GNAO1: variants seen among roughly 807,000 people sequenced by gnomAD.
GNAO1 encodes guanine nucleotide-binding protein G(o) subunit alpha.
For synonymous variants in GNAO1, 164 were observed against 180.7 expected (o/e 0.91, Z 0.74); for missense variants, 166 against 478.7 (o/e 0.35, Z 6.10).
intron 3 of GNAO1, among the ~76,000 whole-genome samples, chr16:56,314,824 C>T (rs928684948): frequency 5.7e-4 from 87 of 152,252 alleles, no homozygotes; most frequent in Admixed American, 5.4e-3. Flanking sequence ...AGAGACCCCT[C>T]GGGGTCCACT....
At chr16:56,332,189 G>C (rs548605153) in intron 4 of GNAO1, among the ~76,000 whole-genome samples, 49 of 152,240 alleles carry the variant, frequency 3.2e-4, no homozygotes, top group African/African-American at 1.1e-3. Flanking sequence ...CCCTCGAGGG[G>C]CTCCCATCTC....
chr16:56,267,639 C>T (rs1386819275), intron 2 of GNAO1, among the ~76,000 whole-genome samples: 2 of 152,188 alleles, frequency 1.3e-5, no homozygotes, highest in South Asian at 2.1e-4. Context: ...CACCATGCAC[C>T]TGTACTGTAG....
intron 3 of GNAO1, among the ~76,000 whole-genome samples, chr16:56,312,355 TA>T (rs1210066776): frequency 2.6e-5 from 4 of 152,232 alleles, no homozygotes; most frequent in Non-Finnish European, 4.4e-5. Context: ...AGCCTCCTGG[TA>T]AGTGCTCGAC....
intron 2 of GNAO1, among the ~76,000 whole-genome samples, chr16:56,220,440 C>T (rs1408701989): frequency 6.6e-6 from 1 of 152,200 alleles, no homozygotes; most frequent in Non-Finnish European, 1.5e-5. Context: ...TGCAAGCATT[C>T]ACAGCATTCT....
chr16:56,324,742 C>T (rs1361778358), intron 3 of GNAO1, among the ~76,000 whole-genome samples: 9 of 152,220 alleles, frequency 5.9e-5, no homozygotes, highest in Non-Finnish European at 8.8e-5. Context: ...TCAGACCCCA[C>T]GGGCTGGGTT....
chr16:56,271,686 C>T lies in GNAO1; in HGVS notation c.162-4245C>T, dbSNP rs1184508799. 2.0e-5 allele frequency among the ~76,000 whole-genome samples: 3 copies of T among 152,292 alleles called. No individual in the cohort carries two copies. The East Asian group carries it at 5.8e-4, about 29-fold the overall frequency. On this transcript the variant is annotated intron_variant, in intron 2 of 8. Transcript: ENST00000262493. Reference sequence around the variant, plus strand: ...GCCAGGCTGGTCTCAAACTCCTGACCTCGTGATCTGCCTGCCTCAGCCTCC... The same window carrying T: ...GCCAGGCTGGTCTCAAACTCCTGACTTCGTGATCTGCCTGCCTCAGCCTCC...
chr16:56,271,458 T>C (rs2037017446), intron 2 of GNAO1, among the ~76,000 whole-genome samples: 1 of 152,216 alleles, frequency 6.6e-6, no homozygotes, highest in Non-Finnish European at 1.5e-5. Context: ...AAAATGCTAT[T>C]ATTTTTTTTG....
chr16:56,228,347 A>G (rs1232950797), intron 2 of GNAO1, among the ~76,000 whole-genome samples: 7 of 152,060 alleles, frequency 4.6e-5, no homozygotes, highest in Non-Finnish European at 1.0e-4. Flanking sequence ...TTGAGCTGGT[A>G]ACCCTGTGTA....
intron 2 of GNAO1, among the ~76,000 whole-genome samples, chr16:56,272,571 A>G (rs1382632043): frequency 6.6e-6 from 1 of 152,242 alleles, no homozygotes; most frequent in African/African-American, 2.4e-5. Context: ...GAGACCTGCC[A>G]GGCAGTATTT....
At chr16:56,345,249 G>A (rs2037854327) in intron 6 of GNAO1, 1 of 985,536 alleles carries the variant, frequency 1.0e-6, no homozygotes. Flanking sequence ...CCACACCCAG[G>A]CCAGTCGTGT....
chr16:56,344,194 C>G, intron 6 of GNAO1: 3 of 1,414,498 alleles, frequency 2.1e-6, no homozygotes, highest in Non-Finnish European at 2.8e-6. Flanking sequence ...ACGCTCACAG[C>G]CTCTGTGTCA....
intron 3 of GNAO1, chr16:56,307,628 G>A (rs561166353): frequency 1.2e-4 from 19 of 152,340 alleles, no homozygotes; most frequent in African/African-American, 4.3e-4. Flanking sequence ...TGAGTCACAA[G>A]GTGTCACATG....
chr16:56,197,471 C>T (rs1356526410), intron 2 of GNAO1, among the ~76,000 whole-genome samples: 1 of 152,230 alleles, frequency 6.6e-6, no homozygotes, highest in Non-Finnish European at 1.5e-5. Context: ...TAAATACCAG[C>T]AGACCTTCCT....
At chr16:56,340,985 C>T (rs2037797098) in intron 6 of GNAO1, 3 of 1,612,812 alleles carry the variant, frequency 1.9e-6, no homozygotes, top group Non-Finnish European at 2.5e-6. Flanking sequence ...CCTGAATATA[C>T]AGGTAGAGAC....
intron 2 of GNAO1, among the ~76,000 whole-genome samples, chr16:56,237,594 G>T (rs1358045609): frequency 6.6e-6 from 1 of 152,152 alleles, no homozygotes; most frequent in Non-Finnish European, 1.5e-5. Context: ...TTCCAAACTG[G>T]AATTCTCCCC....
rs1412375797 is a variant in GNAO1 at position 56,192,045 on chromosome 16, C to T, written c.-191C>T. On this transcript the variant is annotated 5_prime_UTR_variant, in exon 1 of 9. Coordinates refer to ENST00000262493, the MANE Select transcript of GNAO1 (RefSeq NM_020988.3). ...TGCCAGCTGCCGCGAGTCTCCGCTGCTGGAATCTTGTTAGCGGCTGTCTTT... is the reference window on the plus strand; with the variant it reads ...TGCCAGCTGCCGCGAGTCTCCGCTGTTGGAATCTTGTTAGCGGCTGTCTTT... 6 of 587,170 alleles carry T rather than the reference C, an allele frequency of 1.0e-5. No homozygotes were observed. The East Asian group carries it at 1.7e-4, about 17-fold the overall frequency. 36.4% of individuals were successfully genotyped at this position (587,170 alleles called of 1,614,324 possible).
chr16:56,287,060 T>A (rs1246596673), intron 3 of GNAO1, among the ~76,000 whole-genome samples: 1 of 152,204 alleles, frequency 6.6e-6, no homozygotes, highest in Non-Finnish European at 1.5e-5. Context: ...CCAGCACTGC[T>A]GCTCCCATGG....
chr16:56,300,008 C>CGTGT (rs71381116), intron 3 of GNAO1, among the ~76,000 whole-genome samples: 18,491 of 129,454 alleles, frequency 0.14, 1,578 homozygotes, highest in Non-Finnish European at 0.2. Context: ...GATTGGGGTT[C>CGTGT]GTGTGTGTGT....
chr16:56,303,811 G>GC (rs3838364), intron 3 of GNAO1, among the ~76,000 whole-genome samples: 4,419 of 152,208 alleles, frequency 0.029, 164 homozygotes, highest in African/African-American at 0.074. Context: ...GATAGCCATT[G>GC]CCCCAGGCAG....
Sources: allele counts gnomAD v4.1 joint callset (sites outside exome capture counted in the v4.1 genomes callset), GRCh38; gene constraint gnomAD v4.1.1; transcripts MANE v1.5; gene names NCBI Gene and HGNC (gene_info 2026-07-23, HGNC 2026-07-21).